SYT1: variants seen among roughly 807,000 people sequenced by gnomAD.
The protein encoded by SYT1 is synaptotagmin-1.
Under a neutral mutation model 44.8 loss-of-function variants are expected in SYT1, and 8 were observed. The observed-to-expected ratio is 0.18, with a 90% CI of 0.10 to 0.32. SYT1 has a LOEUF of 0.32. Ranked by LOEUF, SYT1 falls within the 10% of genes least tolerant of loss-of-function variation. The probability of loss-of-function intolerance (pLI) is 1.00; values close to 1 mark genes in which losing one functional copy is unlikely to be tolerated. For synonymous variants in SYT1, 154 were observed against 188.8 expected, an observed-to-expected ratio of 0.82 and a Z score of 1.51; for missense variants, 286 against 509.3, an observed-to-expected ratio of 0.56 and a Z score of 4.22.
At chr12:79,324,630 T>G (rs1005851385) in intron 8 of SYT1, among the ~76,000 whole-genome samples, 8 of 152,208 alleles carry the variant, frequency 5.3e-5, no homozygotes, top group Non-Finnish European at 8.8e-5. Context: ...TCAAAATGAA[T>G]TAGCATTTAA....
In SYT1 at chr12:79,449,349, G is replaced by T; in HGVS notation, c.*225G>T. 1.8e-6 allele frequency: 1 copy of T among 541,808 alleles called. No homozygotes were observed. Among genetic ancestry groups the T allele is most frequent in the East Asian group, 3.2e-5 (1 of 31,702 alleles). 33.6% of individuals were successfully genotyped at this position (541,808 alleles called of 1,614,324 possible). A position where few individuals can be genotyped will look rare whatever the true frequency, so the allele number is the denominator to read the frequency against. ...AATCTACTCTTCTTTTAAGCAATAT[G>T]ATGTGTAGATAGAGCATGAATGAAA... On this transcript the variant is annotated 3_prime_UTR_variant, in exon 11 of 11. Transcript: ENST00000261205.
At chr12:79,339,954 C>G (rs1484193630) in intron 8 of SYT1, among the ~76,000 whole-genome samples, 1 of 152,200 alleles carries the variant, frequency 6.6e-6, no homozygotes, top group South Asian at 2.1e-4. Context: ...TTGTTTTTGT[C>G]AGTTTTGTCA....
intron 4 of SYT1, among the ~76,000 whole-genome samples, chr12:79,271,779 A>G (rs1878439741): frequency 6.6e-6 from 1 of 152,172 alleles, no homozygotes; most frequent in African/African-American, 2.4e-5. Context: ...AAGTATTTCT[A>G]TTGTGTTTGT....
chr12:79,380,429 C>T (rs1050766293), intron 9 of SYT1, among the ~76,000 whole-genome samples: 1 of 152,158 alleles, frequency 6.6e-6, no homozygotes, highest in Admixed American at 6.5e-5. Context: ...CTTTGCTCTG[C>T]CACCCAGGCT....
intron 2 of SYT1, among the ~76,000 whole-genome samples, chr12:78,994,143 C>G (rs1226878723): frequency 6.6e-6 from 1 of 152,196 alleles, no homozygotes; most frequent in African/African-American, 2.4e-5. Context: ...TAGATTCACC[C>G]TGAATCAACC....
At chr12:79,149,981 T>C (rs1870165900) in intron 3 of SYT1, among the ~76,000 whole-genome samples, 1 of 152,210 alleles carries the variant, frequency 6.6e-6, no homozygotes, top group Non-Finnish European at 1.5e-5. Context: ...AAACGGTGTT[T>C]TGTTATGTAA....
chr12:78,976,202 T>C (rs1868819507), intron 1 of SYT1, among the ~76,000 whole-genome samples: 1 of 152,164 alleles, frequency 6.6e-6, no homozygotes, highest in African/African-American at 2.4e-5. Context: ...TGAACCTATC[T>C]TTTCTCTTTT....
intron 4 of SYT1, among the ~76,000 whole-genome samples, chr12:79,218,910 C>G (rs1196140742): frequency 6.6e-6 from 1 of 152,048 alleles, no homozygotes; most frequent in Non-Finnish European, 1.5e-5. Flanking sequence ...TATGGTAGTT[C>G]TAGTTTTAAT....
chr12:79,041,032 T>C lies in SYT1; in HGVS notation c.-83-6265T>C, dbSNP rs1297619063. On this transcript the variant is annotated intron_variant, in intron 2 of 10. Coordinates refer to ENST00000261205, the MANE Select transcript of SYT1 (RefSeq NM_005639.3). ...TGCTGTTTTGGTTACTGTAGCCTTGTAGTGTAGTTTGAAGTCAGGTAGTGT... is the reference window on the plus strand; with the variant it reads ...TGCTGTTTTGGTTACTGTAGCCTTGCAGTGTAGTTTGAAGTCAGGTAGTGT... Among the ~76,000 whole-genome samples the C allele has an allele frequency of 3.9e-5, 6 of 152,284 alleles. No homozygotes were observed. The East Asian group carries it at 7.7e-4, about 20-fold the overall frequency.
chr12:79,109,138 C>A (rs1237373054), intron 3 of SYT1, among the ~76,000 whole-genome samples: 1 of 152,146 alleles, frequency 6.6e-6, no homozygotes, highest in Admixed American at 6.5e-5. Context: ...AGAGGAGGGC[C>A]AGGCTCCTCC....
At chr12:78,928,166 G>A (rs1000691342) in intron 1 of SYT1, among the ~76,000 whole-genome samples, 1 of 152,062 alleles carries the variant, frequency 6.6e-6, no homozygotes, top group East Asian at 1.9e-4. Flanking sequence ...AGAAGCATTT[G>A]ACACTTCATT....
chr12:79,139,268 C>A lies in SYT1; in HGVS notation c.-17-78235C>A, dbSNP rs145443817. Among the ~76,000 whole-genome samples, 939 of 152,198 alleles carry A rather than the reference C, an allele frequency of 6.2e-3. 14 individuals are homozygous for A. The highest frequency in any genetic ancestry group is 0.021 in the African/African-American group (872 of 41,532). Reference sequence around the variant, plus strand: ...CTCAAGCTGAGAATTTGAGAGAAAGCAAGAATGAGAGAGTATAGAACGTCA... The same window carrying A: ...CTCAAGCTGAGAATTTGAGAGAAAGAAAGAATGAGAGAGTATAGAACGTCA... On this transcript the variant is annotated intron_variant, in intron 3 of 10. Transcript: ENST00000261205.
At chr12:79,270,934 T>C (rs1313233020) in intron 4 of SYT1, among the ~76,000 whole-genome samples, 1 of 152,204 alleles carries the variant, frequency 6.6e-6, no homozygotes, top group Non-Finnish European at 1.5e-5. Flanking sequence ...GGGAAATAAA[T>C]GCGTAGAACC....
At chr12:79,189,337 A>C (rs1022425875) in intron 3 of SYT1, among the ~76,000 whole-genome samples, 3 of 152,162 alleles carry the variant, frequency 2.0e-5, no homozygotes, top group Admixed American at 6.6e-5. Context: ...AGTATCTACT[A>C]TAGAAGGAAT....
intron 9 of SYT1, chr12:79,419,254 T>G (rs374819188): frequency 1.9e-6 from 1 of 526,088 alleles, no homozygotes; most frequent in Non-Finnish European, 3.9e-6. Context: ...AAATGTGAGG[T>G]GTAGAAAGAA....
chr12:79,368,873 C>T (rs1028220947), intron 9 of SYT1, among the ~76,000 whole-genome samples: 251 of 152,122 alleles, frequency 1.6e-3, no homozygotes, highest in Admixed American at 2.6e-3. Flanking sequence ...ATGGTAGTTT[C>T]TTTTGCTGTG....
intron 9 of SYT1, among the ~76,000 whole-genome samples, chr12:79,363,607 C>T (rs1416925882): frequency 6.6e-6 from 1 of 151,370 alleles, no homozygotes; most frequent in Non-Finnish European, 1.5e-5. Flanking sequence ...TGGTAGCGCA[C>T]ACCTGTGGTC....
At chr12:79,049,350 G>C (rs1874300962) in intron 3 of SYT1, among the ~76,000 whole-genome samples, 1 of 151,840 alleles carries the variant, frequency 6.6e-6, no homozygotes, top group African/African-American at 2.4e-5. Flanking sequence ...TTCCAAAGAA[G>C]AAATTATGCC....
chr12:78,922,944 G>A (rs113541047), intron 1 of SYT1, among the ~76,000 whole-genome samples: 7 of 151,532 alleles, frequency 4.6e-5, no homozygotes, highest in African/African-American at 1.4e-4. Context: ...TAGTCAGGAC[G>A]AGAACCCAGG....
Sources: allele counts gnomAD v4.1 joint callset (sites outside exome capture counted in the v4.1 genomes callset), GRCh38; gene constraint gnomAD v4.1.1; transcripts MANE v1.5; gene names NCBI Gene and HGNC (gene_info 2026-07-23, HGNC 2026-07-21).